SLC35F4: variants seen among roughly 807,000 people sequenced by gnomAD.
SLC35F4 encodes the protein solute carrier family 35 member F4.
A neutral mutation model predicts 44.2 loss-of-function variants in SLC35F4; 24 were observed. The observed-to-expected ratio is 0.54, with a 90% confidence interval of 0.39 to 0.76. The LOEUF (loss-of-function observed/expected upper bound fraction) is 0.76. Among genes scored for constraint, SLC35F4 ranks in the 30% least tolerant of loss-of-function variants. SLC35F4 has a pLI of 0.00. For missense variants in SLC35F4, 562 were observed against 586.1 expected (o/e 0.96, Z 0.42); for synonymous variants, 238 against 223.6 (o/e 1.06, Z -0.57).
rs2070350452 is a variant in SLC35F4, at chr14:57,594,042, G to A, written c.186C>T (p.Ser62=). The change falls in exon 2 of 8, where the codon TCC becomes TCT. Residue 62 remains serine, a synonymous_variant. Coordinates refer to ENST00000556826, the MANE Select transcript of SLC35F4 (RefSeq NM_001306087.2). ...SSHSGISRQL[S]PLSVTEDSSA... ...AGGAATCTTCGGTGACAGACAGTGG[G>A]GACAGTTGTCTACTGATGCCACTGT... 6.2e-7 allele frequency: 1 copy of A among 1,613,736 alleles called. No homozygotes were observed. Among genetic ancestry groups the A allele is most frequent in the South Asian group, 1.1e-5 (1 of 91,072 alleles).
chr14:57,884,880 G>T (rs930676000), intron 1 of SLC35F4, among the ~76,000 whole-genome samples: 2 of 152,076 alleles, frequency 1.3e-5, no homozygotes, highest in Non-Finnish European at 2.9e-5. Context: ...AAACACAGAA[G>T]GTATAAACTT....
In SLC35F4 at chr14:57,755,796, G is replaced by A. The variant is rs1426363892; in HGVS notation, c.103+109927C>T. Among the ~76,000 whole-genome samples, 3 of 152,176 alleles carry A rather than the reference G, an allele frequency of 2.0e-5. No homozygotes were observed. In the East Asian group the frequency reaches 5.8e-4, roughly 29 times the overall value. On this transcript the variant is annotated intron_variant, in intron 1 of 7. Coordinates refer to ENST00000556826, the MANE Select transcript of SLC35F4 (RefSeq NM_001306087.2). The stretch of plus-strand genomic sequence containing the variant: ...TCACAATGATCCCGCAAGGCAGGCA[G>A]GAAAAATAACATTGTCCACATTTCG...
intron 1 of SLC35F4, among the ~76,000 whole-genome samples, chr14:57,664,660 C>T (rs2074248581): frequency 6.6e-6 from 1 of 152,136 alleles, no homozygotes; most frequent in South Asian, 2.1e-4. Flanking sequence ...ATCCACTTGC[C>T]TCGGCCTCCC....
intron 1 of SLC35F4, chr14:57,596,462 G>C (rs2070493121): frequency 3.2e-6 from 1 of 309,196 alleles, no homozygotes. Context: ...TGTTCTTCAA[G>C]AGTGGCTGAT....
intron 1 of SLC35F4, among the ~76,000 whole-genome samples, chr14:57,877,415 T>C (rs759315383): frequency 4.6e-5 from 7 of 152,228 alleles, no homozygotes; most frequent in Non-Finnish European, 1.0e-4. Flanking sequence ...GATTGCCATC[T>C]AGGTTTATTC....
At chr14:57,721,998 T>C (rs1214198097) in intron 1 of SLC35F4, among the ~76,000 whole-genome samples, 2 of 147,718 alleles carry the variant, frequency 1.4e-5, no homozygotes, top group Non-Finnish European at 3.0e-5. Context: ...CTAAAGTCCT[T>C]GTGGGCCTCC....
At chr14:57,602,971 A>C (rs150263455) in intron 1 of SLC35F4, among the ~76,000 whole-genome samples, 24 of 152,232 alleles carry the variant, frequency 1.6e-4, no homozygotes, top group Non-Finnish European at 3.1e-4. Flanking sequence ...TGTTTTCCTA[A>C]TTCCAGCTAC....
At chr14:57,586,802 T>C (rs2069772340) in intron 3 of SLC35F4, among the ~76,000 whole-genome samples, 1 of 139,874 alleles carries the variant, frequency 7.1e-6, no homozygotes, top group African/African-American at 2.7e-5. Flanking sequence ...AATTGACAGA[T>C]GGGATCTAAT....
At chr14:57,606,205 C>G (rs1325350534) in intron 1 of SLC35F4, among the ~76,000 whole-genome samples, 1 of 152,112 alleles carries the variant, frequency 6.6e-6, no homozygotes, top group Non-Finnish European at 1.5e-5. Context: ...TTTAGCTATT[C>G]TCAGAGTATT....
chr14:57,973,947 C>T (rs1363393940), downstream of SLC35F4, among the ~76,000 whole-genome samples: 1 of 152,160 alleles, frequency 6.6e-6, no homozygotes, highest in African/African-American at 2.4e-5. Context: ...CACCATCACT[C>T]TCCAAAACGG....
intron 4 of SLC35F4, among the ~76,000 whole-genome samples, chr14:57,572,813 T>C (rs758049770): frequency 1.4e-4 from 22 of 152,258 alleles, no homozygotes; most frequent in Non-Finnish European, 1.8e-4. Context: ...CCTTAGTGAA[T>C]TGCTGCTTTG....
chr14:57,676,906 T>A (rs567344179), intron 1 of SLC35F4, among the ~76,000 whole-genome samples: 3 of 152,044 alleles, frequency 2.0e-5, no homozygotes, highest in South Asian at 2.1e-4. Flanking sequence ...GCAATCCCAC[T>A]ACTGGGACCT....
At chr14:57,579,887 G>T (rs1405336287) in intron 4 of SLC35F4, among the ~76,000 whole-genome samples, 1 of 152,120 alleles carries the variant, frequency 6.6e-6, no homozygotes, top group Non-Finnish European at 1.5e-5. Context: ...GGGCCCCATG[G>T]ATTATGTAGC....
chr14:57,726,499 T>G (rs2076206725), intron 1 of SLC35F4, among the ~76,000 whole-genome samples: 1 of 152,232 alleles, frequency 6.6e-6, no homozygotes, highest in South Asian at 2.1e-4. Context: ...CTAATATATT[T>G]TATTTCCTTT....
chr14:57,656,766 A>G (rs1874030940), intron 1 of SLC35F4, among the ~76,000 whole-genome samples: 1 of 152,094 alleles, frequency 6.6e-6, no homozygotes. Flanking sequence ...CTGTGCCTCT[A>G]TTATTACTAT....
chr14:57,612,744 C>T (rs1000697113), intron 1 of SLC35F4, among the ~76,000 whole-genome samples: 3 of 152,192 alleles, frequency 2.0e-5, no homozygotes, highest in African/African-American at 7.2e-5. Flanking sequence ...TATGTCTTAT[C>T]ATCTCCAACT....
rs1387419557 is a variant in SLC35F4, at chr14:57,964,976, A to G, written n.282+16937T>C. On this transcript the variant is annotated intron_variant and non_coding_transcript_variant, in intron 1 of 1. Coordinates refer to the SLC35F4 transcript ENST00000556568. Reference sequence around the variant, plus strand: ...TAATGATTAATGCTCCCATGGGGGAAAAAAAAAAAAAAAAAATATATATAT... The same window carrying G: ...TAATGATTAATGCTCCCATGGGGGAGAAAAAAAAAAAAAAAATATATATAT... 3.7e-3 allele frequency among the ~76,000 whole-genome samples: 206 copies of G among 55,048 alleles called. 1 individual carries two copies. The highest frequency in any genetic ancestry group is 0.017 in the African/African-American group (176 of 10,656). 36.1% of individuals were successfully genotyped at this position (55,048 alleles called of 152,430 possible).
At chr14:57,717,529 G>A (rs1234596007) in intron 1 of SLC35F4, among the ~76,000 whole-genome samples, 1 of 152,118 alleles carries the variant, frequency 6.6e-6, no homozygotes, top group African/African-American at 2.4e-5. Context: ...CCAGCTACTC[G>A]GGAGGCTGAG....
At chr14:57,616,972 T>A (rs2071867752) in intron 1 of SLC35F4, among the ~76,000 whole-genome samples, 3 of 152,016 alleles carry the variant, frequency 2.0e-5, no homozygotes, top group Non-Finnish European at 4.4e-5. Flanking sequence ...GCATTATACA[T>A]TATGAAAATG....
Sources: gnomAD v4.1 joint callset for allele counts (sites outside exome capture counted in the v4.1 genomes callset) on GRCh38, gnomAD v4.1.1 for gene constraint, MANE v1.5 for transcripts, NCBI Gene and HGNC (gene_info 2026-07-23, HGNC 2026-07-21) for gene names.